The following EPHA4 variants were observed in gnomAD, a reference collection of about 807,000 sequenced individuals.
EPHA4 encodes ephrin type-A receptor 4.
Under a neutral mutation model 108.3 loss-of-function variants are expected in EPHA4, and 19 were observed. That is an observed-to-expected ratio of 0.18 (90% CI 0.12 to 0.26). EPHA4 has a LOEUF of 0.26. Ranked by LOEUF, EPHA4 falls within the 10% of genes least tolerant of loss-of-function variation. EPHA4 has a pLI of 1.00. For missense variants in EPHA4, 917 were observed against 1,254.0 expected, an observed-to-expected ratio of 0.73 and a Z score of 4.06; for synonymous variants, 449 against 455.5, an observed-to-expected ratio of 0.99 and a Z score of 0.18.
At chr2:221,565,903 T>C (rs1003971919) in intron 2 of EPHA4, among the ~76,000 whole-genome samples, 1 of 152,174 alleles carries the variant, frequency 6.6e-6, no homozygotes, top group African/African-American at 2.4e-5. Flanking sequence ...TGAAGGCACA[T>C]AGGGTATCTC....
intron 3 of EPHA4, among the ~76,000 whole-genome samples, chr2:221,563,142 C>G (rs529723385): frequency 1.3e-5 from 2 of 152,120 alleles, no homozygotes. Flanking sequence ...GAGAACCCAT[C>G]GGTGGGTGTT....
rs762744714 is a variant in EPHA4 at position 221,456,635 on chromosome 2, G to A, written c.1581C>T (p.Pro527=). ...TACCTGTGTTGGTTGTAACCTCCAA[G>A]GGCTCACTGAAGTCTCCATAGCCAG... The part of the protein sequence containing the change: ...TAAGYGDFSE[P]LEVTTNTVPS... The change falls in exon 7 of 18, where the codon CCC becomes CCT. Residue 527 remains proline (P), a synonymous_variant. Coordinates refer to ENST00000281821, the MANE Select transcript of EPHA4 (RefSeq NM_004438.5). 36 of 1,613,726 alleles carry A rather than the reference G, an allele frequency of 2.2e-5. 1 individual carries two copies. The African/African-American group carries it at 2.4e-4, about 11-fold the overall frequency.
intron 1 of EPHA4, chr2:221,569,483 G>A (rs1243190807): frequency 6.6e-6 from 1 of 152,216 alleles, no homozygotes; most frequent in Non-Finnish European, 1.5e-5. Flanking sequence ...TTGAATTTTA[G>A]GTATGGAGTG....
At chr2:221,443,154 T>G (rs1690482445) in intron 10 of EPHA4, 140 bp from the exon 11 acceptor site, 2 of 870,234 alleles carry the variant, frequency 2.3e-6, no homozygotes, top group Non-Finnish European at 3.5e-6. Context: ...AAATCCTCCA[T>G]GCAACCCTGA....
chr2:221,568,812 G>A (rs2106214004), intron 1 of EPHA4, 27 bp from the exon 2 acceptor site: 1 of 1,598,088 alleles, frequency 6.3e-7, no homozygotes, highest in Non-Finnish European at 8.5e-7. Context: ...AAAAATAGAT[G>A]AATTTCCAAT....
chr2:221,527,858 G>A, intron 3 of EPHA4, among the ~76,000 whole-genome samples: 1 of 152,172 alleles, frequency 6.6e-6, no homozygotes, highest in Non-Finnish European at 1.5e-5. Context: ...GAGCAGGGTG[G>A]AGTCCAAGGC....
At chr2:221,486,406 G>A (rs887469343) in intron 4 of EPHA4, among the ~76,000 whole-genome samples, 1 of 152,044 alleles carries the variant, frequency 6.6e-6, no homozygotes, top group African/African-American at 2.4e-5. Context: ...TTCCATGTCT[G>A]TTTCTATCAC....
chr2:221,475,553 A>T (rs1691627804), intron 5 of EPHA4, among the ~76,000 whole-genome samples: 1 of 152,222 alleles, frequency 6.6e-6, no homozygotes. Flanking sequence ...TTAGTACTCC[A>T]GAGCAGATCA....
intron 3 of EPHA4, among the ~76,000 whole-genome samples, chr2:221,557,934 T>C (rs897275849): frequency 6.6e-6 from 1 of 152,208 alleles, no homozygotes; most frequent in African/African-American, 2.4e-5. Context: ...TTCAATGTTT[T>C]AACAAAAATA....
At chr2:221,536,603 C>T (rs1022375900) in intron 3 of EPHA4, among the ~76,000 whole-genome samples, 1 of 152,216 alleles carries the variant, frequency 6.6e-6, no homozygotes, top group Admixed American at 6.5e-5. Flanking sequence ...CAGAAAATCC[C>T]TCTAAACAAT....
chr2:221,510,168 T>C (rs1045552502), intron 3 of EPHA4, among the ~76,000 whole-genome samples: 2 of 152,230 alleles, frequency 1.3e-5, no homozygotes, highest in African/African-American at 4.8e-5. Flanking sequence ...TGGATATAAT[T>C]TCTAAAACAC....
At chr2:221,500,438 C>A (rs1037489834) in intron 4 of EPHA4, among the ~76,000 whole-genome samples, 7 of 152,218 alleles carry the variant, frequency 4.6e-5, no homozygotes, top group African/African-American at 1.4e-4. Context: ...GAAAATATTT[C>A]TTCACTCCTG....
At chr2:221,506,003 G>A (rs1457888135) in intron 3 of EPHA4, among the ~76,000 whole-genome samples, 2 of 152,082 alleles carry the variant, frequency 1.3e-5, no homozygotes, top group Non-Finnish European at 2.9e-5. Flanking sequence ...ATATAGAGTC[G>A]CTTGAGGGTC....
In EPHA4 at chr2:221,564,176, G is replaced by A; in HGVS notation, c.378C>T (p.Tyr126=). 1 of 1,614,118 alleles carries A rather than the reference G, an allele frequency of 6.2e-7. No homozygotes were observed. Reference sequence around the variant, plus strand: ...GCTCTTTGTCGTTGTCTGATTCATAGTAGTACAGGTTAAACGTCTCCTTGC... The same window carrying A: ...GCTCTTTGTCGTTGTCTGATTCATAATAGTACAGGTTAAACGTCTCCTTGC... ...GTCKETFNLY[Y]YESDNDKERF... The change falls in exon 3 of 18, where the codon TAC becomes TAT. Residue 126 remains tyrosine, a synonymous_variant. Transcript: ENST00000281821.
chr2:221,515,021 A>G (rs1692949568), intron 3 of EPHA4, among the ~76,000 whole-genome samples: 1 of 152,224 alleles, frequency 6.6e-6, no homozygotes, highest in African/African-American at 2.4e-5. Flanking sequence ...CTAGACCAAC[A>G]TTCAAAAATG....
intron 11 of EPHA4, among the ~76,000 whole-genome samples, chr2:221,437,687 G>A (rs1401816310): frequency 1.3e-5 from 2 of 151,444 alleles, no homozygotes; most frequent in South Asian, 2.1e-4. Flanking sequence ...CAAGACAGTC[G>A]GATTGCCTCA....
At chr2:221,539,088 A>G (rs1693756877) in intron 3 of EPHA4, among the ~76,000 whole-genome samples, 1 of 152,164 alleles carries the variant, frequency 6.6e-6, no homozygotes, top group South Asian at 2.1e-4. Flanking sequence ...CCTTTTACCA[A>G]GTTCAAGGTC....
chr2:221,442,718 C>G (rs1690464432), intron 11 of EPHA4, 111 bp downstream of exon 11: 5 of 1,106,334 alleles, frequency 4.5e-6, no homozygotes, highest in Middle Eastern at 2.0e-4. Context: ...TGATTTCCTC[C>G]TATTAGCAAT....
chr2:221,472,036 T>G (rs1303462699), intron 5 of EPHA4, among the ~76,000 whole-genome samples: 3 of 152,108 alleles, frequency 2.0e-5, no homozygotes, highest in Admixed American at 6.6e-5. Flanking sequence ...GGGATTAGAT[T>G]CATTGGGTTT....
Sources: gnomAD v4.1 joint callset for allele counts (sites outside exome capture counted in the v4.1 genomes callset) on GRCh38, gnomAD v4.1.1 for gene constraint, MANE v1.5 for transcripts, NCBI Gene and HGNC (gene_info 2026-07-23, HGNC 2026-07-21) for gene names.